PIEZO2: variants seen among roughly 807,000 people sequenced by gnomAD.
PIEZO2 encodes the protein piezo-type mechanosensitive ion channel component 2.
PIEZO2 carries 172 observed loss-of-function variants against 337.3 expected under a neutral mutation model. The observed-to-expected ratio is 0.51, with a 90% CI of 0.45 to 0.58. The LOEUF (loss-of-function observed/expected upper bound fraction) is 0.58, where lower values mean the gene tolerates loss of function less well. Among genes scored for constraint, PIEZO2 ranks in the 20% least tolerant of loss-of-function variants. The pLI is 0.00. For missense variants in PIEZO2, 3,028 were observed against 3,391.3 expected, an observed-to-expected ratio of 0.89 and a Z score of 2.66; for synonymous variants, 1,251 against 1,228.5, an observed-to-expected ratio of 1.02 and a Z score of -0.38.
intron 35 of PIEZO2, among the ~76,000 whole-genome samples, chr18:10,733,683 C>T (rs2036881896): frequency 1.3e-5 from 2 of 152,102 alleles, no homozygotes; most frequent in Non-Finnish European, 1.5e-5. Context: ...CTCCTGACCT[C>T]GTGATCTGCC....
At chr18:10,725,077 A>C in intron 36 of PIEZO2, 1 of 1,522,632 alleles carries the variant, frequency 6.6e-7, no homozygotes, top group Admixed American at 1.7e-5. Flanking sequence ...TGAGGGAGAC[A>C]AGTTCTTTCA....
At chr18:11,022,500 T>G (rs1433302660) in intron 2 of PIEZO2, among the ~76,000 whole-genome samples, 1 of 152,124 alleles carries the variant, frequency 6.6e-6, no homozygotes, top group Non-Finnish European at 1.5e-5. Context: ...CAGGATTGGT[T>G]TCTCCTGGGG....
intron 1 of PIEZO2, among the ~76,000 whole-genome samples, chr18:11,075,249 A>G (rs945237280): frequency 6.6e-6 from 1 of 152,248 alleles, no homozygotes; most frequent in Non-Finnish European, 1.5e-5. Context: ...TTAAAAGGAC[A>G]TTCTTTCAAA....
At chr18:10,754,345 C>A (rs1175582886) in intron 27 of PIEZO2, among the ~76,000 whole-genome samples, 1 of 152,210 alleles carries the variant, frequency 6.6e-6, no homozygotes, top group East Asian at 1.9e-4. Context: ...GGAGCTGACC[C>A]CTGTTGGAGA....
intron 21 of PIEZO2, among the ~76,000 whole-genome samples, chr18:10,763,996 A>C (rs1054808793): frequency 6.6e-6 from 1 of 152,152 alleles, no homozygotes; most frequent in African/African-American, 2.4e-5. Flanking sequence ...TGAGACAGCA[A>C]CGCTGATAGG....
At chr18:11,124,475 G>A (rs1390165713) in intron 1 of PIEZO2, among the ~76,000 whole-genome samples, 3 of 152,306 alleles carry the variant, frequency 2.0e-5, no homozygotes, top group South Asian at 4.1e-4. Flanking sequence ...TGCAGGATAT[G>A]CATTCATGCA....
chr18:10,787,201 G>GAA lies in PIEZO2; in HGVS notation c.2170-19_2170-18dup, dbSNP rs11468237. On this transcript the variant is annotated splice_polypyrimidine_tract_variant and intron_variant, in intron 15 of 55. Coordinates refer to ENST00000674853, the MANE Select transcript of PIEZO2 (RefSeq NM_001378183.1). ...ATAGTGCACCTGCAAATCAGACATTGAAAAAAAAAAATGAGAAAAAATCAC... is the reference window on the plus strand; with the variant it reads ...ATAGTGCACCTGCAAATCAGACATTGAAAAAAAAAAAAATGAGAAAAAATCAC... 1.7e-5 allele frequency: 23 copies of GAA among 1,353,544 alleles called. No homozygotes were observed. Among genetic ancestry groups the GAA allele is most frequent in the South Asian group, 1.7e-4 (11 of 66,474 alleles). 83.8% of individuals were successfully genotyped at this position (1,353,544 alleles called of 1,614,324 possible). A position where few individuals can be genotyped will look rare whatever the true frequency, so the allele number is the denominator to read the frequency against.
Position 10,726,514 on chromosome 18 carries a change from G to A in PIEZO2, c.5029+4893C>T. ...TGCTGCTCCGCAAGCAGCCGTTCCT[G>A]TGGCGCGCTGCGCTGCTCTGCTCTG... On this transcript the variant is annotated intron_variant, in intron 36 of 55. Coordinates refer to ENST00000674853, the MANE Select transcript of PIEZO2 (RefSeq NM_001378183.1). This position sits in a 1 kb window ranked among gnomAD's most constrained non-coding sequence, Gnocchi z 5.9. 2.0e-6 allele frequency: 3 copies of A among 1,483,970 alleles called. No individual in the cohort carries two copies. The highest frequency in any genetic ancestry group is 2.7e-5 in the South Asian group (2 of 74,736). 91.9% of individuals were successfully genotyped at this position (1,483,970 alleles called of 1,614,324 possible).
chr18:10,919,496 CAT>C (rs1469033427), intron 3 of PIEZO2, among the ~76,000 whole-genome samples: 1 of 152,086 alleles, frequency 6.6e-6, no homozygotes, highest in African/African-American at 2.4e-5. Flanking sequence ...GAGTTCAACA[CAT>C]GTGTTATGCC....
chr18:10,682,110 C>A lies in PIEZO2; in HGVS notation c.7680G>T (p.Gly2560=), dbSNP rs766523253. 20 of 1,535,450 alleles carry A rather than the reference C, an allele frequency of 1.3e-5. No homozygotes were observed. The highest frequency in any genetic ancestry group is 7.2e-5 in the South Asian group (6 of 83,760). The change falls in exon 50 of 56, where the codon GGG becomes GGT. Residue 2560 remains glycine, a synonymous_variant. Transcript: ENST00000674853. This position sits in a 1 kb window ranked among gnomAD's most constrained non-coding sequence, Gnocchi z 5.6. ...GGGTGTGCACAGAGATCACCTGATA[C>A]CCTCCCAGGGTAATTGTGACGGAGA... is the stretch of plus-strand genomic sequence containing the variant. ...LDVSVTITLG[G]YQPIFTMSAQ...
Position 11,096,001 on chromosome 18 carries a change from A to G in PIEZO2, c.65-29779T>C, listed in dbSNP as rs879871912. ...CTTCTTCCAAATTCAACACTGAAAA[A>G]CCTTTCTTGTGTGTGTGCCCAAGGA... On this transcript the variant is annotated intron_variant, in intron 1 of 55. Coordinates refer to ENST00000674853, the MANE Select transcript of PIEZO2 (RefSeq NM_001378183.1). The surrounding 1 kb of genome is among the most constrained non-coding windows in gnomAD (Gnocchi z 4.6). Among the ~76,000 whole-genome samples, 9 of 152,106 alleles carry G rather than the reference A, an allele frequency of 5.9e-5. No homozygotes were observed. The highest frequency in any genetic ancestry group is 1.3e-4 in the Non-Finnish European group (9 of 68,012).
chr18:10,770,359 C>T (rs1265518623), intron 20 of PIEZO2, 51 bp from the exon 21 acceptor site: 1 of 1,452,086 alleles, frequency 6.9e-7, no homozygotes, highest in East Asian at 2.5e-5. Flanking sequence ...AAAATATTAT[C>T]ATTTAAAGCA....
chr18:10,898,504 G>A lies in PIEZO2; in HGVS notation c.329+12682C>T, dbSNP rs958052295. Among the ~76,000 whole-genome samples the A allele has an allele frequency of 3.9e-5, 6 of 152,218 alleles. No individual in the cohort carries two copies. In the South Asian group the frequency reaches 8.3e-4, roughly 21 times the overall value. ...AGGAAAGTTAAAATGTGTGCAGAAC[G>A]AAGTAGTGAGAGATAATTTGACTGA... On this transcript the variant is annotated intron_variant, in intron 4 of 55. Coordinates refer to ENST00000674853, the MANE Select transcript of PIEZO2 (RefSeq NM_001378183.1).
chr18:10,945,305 A>G lies in PIEZO2; in HGVS notation c.287-34077T>C, dbSNP rs2032959000. On this transcript the variant is annotated intron_variant, in intron 3 of 55. Transcript: ENST00000674853. This position sits in a 1 kb window ranked among gnomAD's most constrained non-coding sequence, Gnocchi z 4.0. Reference sequence around the variant, plus strand: ...GGGGATCCTCCCACCTCAGCTTCCCAAAGTGCTGGGATTACAGATGTGAGC... The same window carrying G: ...GGGGATCCTCCCACCTCAGCTTCCCGAAGTGCTGGGATTACAGATGTGAGC... Among the ~76,000 whole-genome samples the G allele has an allele frequency of 6.6e-6, 1 of 152,154 alleles. No homozygotes were observed. The highest frequency in any genetic ancestry group is 2.4e-5 in the African/African-American group (1 of 41,438).
At chr18:10,928,888 G>A (rs1022894333) in intron 3 of PIEZO2, among the ~76,000 whole-genome samples, 9 of 152,166 alleles carry the variant, frequency 5.9e-5, no homozygotes, top group Non-Finnish European at 1.3e-4. Flanking sequence ...AGTAATGCAC[G>A]TCTACTCACG....
chr18:10,884,960 T>C lies in PIEZO2; in HGVS notation c.330-13545A>G, dbSNP rs374689695. ...TCTCATTTATTTCCACAAATATGTG[T>C]GAGCGTCTATCATATCATAGACATT... On this transcript the variant is annotated intron_variant, in intron 4 of 55. Transcript: ENST00000674853. Among the ~76,000 whole-genome samples the C allele has an allele frequency of 7.2e-5, 11 of 152,122 alleles. No individual in the cohort carries two copies. The East Asian group carries it at 1.9e-3, about 27-fold the overall frequency.
At position 10,952,842 on chromosome 18, in the gene PIEZO2, T is replaced by G. The variant is rs746765224; in HGVS notation, c.286+26693A>C. ...TTCCAAGTGTTCTACATCTCCATAT[T>G]TCCTCAGCATTTGGAATGCCTTCCC... On this transcript the variant is annotated intron_variant, in intron 3 of 55. Coordinates refer to ENST00000674853, the MANE Select transcript of PIEZO2 (RefSeq NM_001378183.1). The surrounding 1 kb of genome is among the most constrained non-coding windows in gnomAD (Gnocchi z 4.1). Among the ~76,000 whole-genome samples the G allele has an allele frequency of 2.6e-4, 40 of 152,208 alleles. No homozygotes were observed. In the Middle Eastern group the frequency reaches 0.01, roughly 39 times the overall value.
chr18:10,784,899 T>C lies in PIEZO2; in HGVS notation c.2377A>G (p.Ile793Val). Residue 793 changes from isoleucine to valine, a missense_variant, in exon 17 of 56, where the codon ATC (isoleucine) becomes GTC (valine). By Grantham distance (29) the Ile-to-Val change is conservative. Transcript: ENST00000674853. This position sits in a 1 kb window ranked among gnomAD's most constrained non-coding sequence, Gnocchi z 4.5. ...CACACCAGCAGAAAGGAGGTTGGGA[T>C]GAATATGCGAGTGAATAGTTCAGCC... Reference protein sequence around the residue: ...TVAELFTRIFIPTSFLLVCIL... With the variant: ...TVAELFTRIFVPTSFLLVCIL... 1 of 1,537,502 alleles carries C rather than the reference T, an allele frequency of 6.5e-7. No individual in the cohort carries two copies. Among genetic ancestry groups the C allele is most frequent in the Non-Finnish European group, 8.7e-7 (1 of 1,146,940 alleles).
At chr18:10,764,545 G>A (rs144998229) in intron 21 of PIEZO2, among the ~76,000 whole-genome samples, 2 of 150,532 alleles carry the variant, frequency 1.3e-5, no homozygotes, top group Admixed American at 6.6e-5. Context: ...GGCCGAGATC[G>A]TGCCACTGCA....
Sources: allele counts gnomAD v4.1 joint callset (sites outside exome capture counted in the v4.1 genomes callset), GRCh38; gene constraint gnomAD v4.1.1; non-coding constraint Gnocchi (gnomAD v3.1); transcripts MANE v1.5; gene names NCBI Gene and HGNC (gene_info 2026-07-23, HGNC 2026-07-21).